ACSS3: variants seen among roughly 807,000 people sequenced by gnomAD.
The protein encoded by ACSS3 is acyl-CoA synthetase short-chain family member 3, mitochondrial.
In ACSS3, 64 loss-of-function variants were observed where a neutral mutation model predicts 84.2. The observed-to-expected ratio is 0.76, with a 90% CI of 0.62 to 0.94. ACSS3 has a LOEUF of 0.94. ACSS3 is among the 40% of genes least tolerant of loss of function. ACSS3 has a pLI of 0.00. For synonymous variants in ACSS3, 317 were observed against 310.1 expected, an observed-to-expected ratio of 1.02 and a Z score of -0.23; for missense variants, 815 against 867.6, an observed-to-expected ratio of 0.94 and a Z score of 0.76.
At chr12:81,124,898 C>T (rs899406984) in intron 2 of ACSS3, among the ~76,000 whole-genome samples, 2 of 152,200 alleles carry the variant, frequency 1.3e-5, no homozygotes, top group African/African-American at 4.8e-5. Flanking sequence ...ACCTATCTCA[C>T]TGCTGGCTCT....
At chr12:81,150,773 G>A (rs1886572105) in intron 5 of ACSS3, among the ~76,000 whole-genome samples, 1 of 152,174 alleles carries the variant, frequency 6.6e-6, no homozygotes, top group African/African-American at 2.4e-5. Flanking sequence ...GTCAATTTCT[G>A]TTTCATTTTC....
At chr12:81,176,671 T>C (rs1016707602) in intron 8 of ACSS3, among the ~76,000 whole-genome samples, 4 of 151,342 alleles carry the variant, frequency 2.6e-5, no homozygotes, top group African/African-American at 7.3e-5. Flanking sequence ...AATGAATCAG[T>C]AATAAAAAAA....
At chr12:81,146,554 G>C (rs990589876) in intron 5 of ACSS3, among the ~76,000 whole-genome samples, 2 of 152,170 alleles carry the variant, frequency 1.3e-5, no homozygotes, top group Non-Finnish European at 2.9e-5. Flanking sequence ...GTTAGAATTT[G>C]TAGATACATT....
chr12:81,240,995 C>G (rs569469458), intron 13 of ACSS3, among the ~76,000 whole-genome samples: 6 of 114,616 alleles, frequency 5.2e-5, no homozygotes, highest in Non-Finnish European at 1.0e-4. Context: ...CCTCCCCCCA[C>G]CCCACAACAG....
intron 7 of ACSS3, among the ~76,000 whole-genome samples, chr12:81,154,972 G>C (rs573330586): frequency 6.6e-6 from 1 of 152,002 alleles, no homozygotes; most frequent in Non-Finnish European, 1.5e-5. Context: ...TTTCTCTCAC[G>C]TTCTTGGGCT....
intron 11 of ACSS3, 44 bp downstream of exon 11, chr12:81,220,120 G>A: frequency 7.7e-7 from 1 of 1,298,154 alleles, no homozygotes; most frequent in Admixed American, 2.4e-5. Context: ...GGCAAAAACT[G>A]GTGTATATAC....
intron 8 of ACSS3, among the ~76,000 whole-genome samples, chr12:81,198,955 G>T (rs1416111603): frequency 6.6e-6 from 1 of 152,184 alleles, no homozygotes; most frequent in African/African-American, 2.4e-5. Flanking sequence ...TATTTTTTGT[G>T]TATATCCTTA....
intron 2 of ACSS3, among the ~76,000 whole-genome samples, chr12:81,131,824 T>A (rs1316566416): frequency 2.6e-5 from 4 of 152,002 alleles, no homozygotes; most frequent in African/African-American, 9.7e-5. Flanking sequence ...CTATTGAGAG[T>A]TTTTAGCATG....
intron 13 of ACSS3, among the ~76,000 whole-genome samples, chr12:81,235,118 G>T (rs1157038535): frequency 1.3e-5 from 2 of 151,098 alleles, no homozygotes; most frequent in Non-Finnish European, 3.0e-5. Context: ...GCAAGGTGTA[G>T]GTTGATAAAT....
intron 1 of ACSS3, among the ~76,000 whole-genome samples, chr12:81,091,707 G>A (rs540054498): frequency 6.6e-6 from 1 of 152,086 alleles, no homozygotes; most frequent in East Asian, 1.9e-4. Flanking sequence ...GTATTTGATG[G>A]AAATCGTATA....
intron 9 of ACSS3, among the ~76,000 whole-genome samples, chr12:81,211,755 T>C (rs1309457845): frequency 6.6e-6 from 1 of 152,232 alleles, no homozygotes; most frequent in East Asian, 1.9e-4. Flanking sequence ...TTATGATTCA[T>C]TAATTTTTTG....
At chr12:81,199,724 G>C in intron 9 of ACSS3, 1 of 1,327,516 alleles carries the variant, frequency 7.5e-7, no homozygotes, top group Non-Finnish European at 9.9e-7. Flanking sequence ...AAGTTACTAA[G>C]TCTCAGATTT....
At chr12:81,130,580 A>C (rs916674819) in intron 2 of ACSS3, among the ~76,000 whole-genome samples, 4 of 152,032 alleles carry the variant, frequency 2.6e-5, no homozygotes, top group Non-Finnish European at 5.9e-5. Flanking sequence ...TGTAGGTTGC[A>C]TGTTCACTCT....
chr12:81,215,657 T>C (rs1321521253), intron 9 of ACSS3, among the ~76,000 whole-genome samples: 1 of 152,238 alleles, frequency 6.6e-6, no homozygotes, highest in African/African-American at 2.4e-5. Context: ...TATATGTATG[T>C]GTAGGTTATG....
chr12:81,241,592 G>A lies in ACSS3; in HGVS notation c.1719+8121G>A, dbSNP rs551598814. Reference sequence around the variant, plus strand: ...TGCATTTCTCTGATGGCCAGTGATGGTGAGCACTTTTTCATGTGTTTTTTG... The same window carrying A: ...TGCATTTCTCTGATGGCCAGTGATGATGAGCACTTTTTCATGTGTTTTTTG... On this transcript the variant is annotated intron_variant, in intron 13 of 15. Coordinates refer to ENST00000548058, the MANE Select transcript of ACSS3 (RefSeq NM_024560.4). Among the ~76,000 whole-genome samples, 11 of 152,232 alleles carry A rather than the reference G, an allele frequency of 7.2e-5. No homozygotes were observed. The South Asian group carries it at 1.7e-3, about 23-fold the overall frequency.
At chr12:81,229,293 A>G (rs1308196733) in intron 11 of ACSS3, among the ~76,000 whole-genome samples, 1 of 151,848 alleles carries the variant, frequency 6.6e-6, no homozygotes, top group East Asian at 1.9e-4. Flanking sequence ...CAGGTTTATT[A>G]TCATTTATTT....
At chr12:81,122,453 C>T (rs577993382) in intron 2 of ACSS3, among the ~76,000 whole-genome samples, 10 of 152,150 alleles carry the variant, frequency 6.6e-5, no homozygotes, top group African/African-American at 2.4e-4. Context: ...GTGTATATAG[C>T]AGACAACAGT....
chr12:81,245,666 A>G (rs1410068818), intron 13 of ACSS3, among the ~76,000 whole-genome samples: 1 of 152,204 alleles, frequency 6.6e-6, no homozygotes, highest in Non-Finnish European at 1.5e-5. Context: ...TTGTTCCTGT[A>G]GAGGTTTCTG....
At chr12:81,120,889 A>G (rs7295854) in intron 2 of ACSS3, among the ~76,000 whole-genome samples, 6,960 of 152,248 alleles carry the variant, frequency 0.046, 203 homozygotes, top group Non-Finnish European at 0.068. Flanking sequence ...TTTATCATGT[A>G]TAGGTTTTAT....
Sources: gnomAD v4.1 joint callset for allele counts (sites outside exome capture counted in the v4.1 genomes callset) on GRCh38, gnomAD v4.1.1 for gene constraint, MANE v1.5 for transcripts, NCBI Gene and HGNC (gene_info 2026-07-23, HGNC 2026-07-21) for gene names.